Variants in ADGRL3 observed in about 807,000 individuals in gnomAD.
The protein encoded by ADGRL3 is adhesion G protein-coupled receptor L3, also known as calcium-independent alpha-latrotoxin receptor 3.
In ADGRL3, 62 loss-of-function variants were observed where a neutral mutation model predicts 153.5. That is an observed-to-expected ratio of 0.40 (90% confidence interval 0.33 to 0.50). The LOEUF (loss-of-function observed/expected upper bound fraction) is 0.50, where lower values mean the gene tolerates loss of function less well. ADGRL3 is among the 20% of genes least tolerant of loss of function. The pLI is 0.47. For missense variants in ADGRL3, 1,641 were observed against 1,859.4 expected (o/e 0.88, Z 2.16); for synonymous variants, 710 against 672.5 (o/e 1.06, Z -0.86).
intron 8 of ADGRL3, among the ~76,000 whole-genome samples, chr4:61,742,228 C>A (rs1179417164): frequency 2.0e-5 from 3 of 152,102 alleles, no homozygotes; most frequent in Non-Finnish European, 4.4e-5. Context: ...ACATATGCTT[C>A]ACTTCTCTGT....
chr4:62,010,445 C>T (rs1275234684), intron 21 of ADGRL3, among the ~76,000 whole-genome samples: 2 of 152,068 alleles, frequency 1.3e-5, no homozygotes, highest in East Asian at 1.9e-4. Flanking sequence ...CCATTTCACT[C>T]TTGAGTTTTC....
chr4:61,253,795 T>C (rs1027006987), intron 1 of ADGRL3, among the ~76,000 whole-genome samples: 2 of 152,164 alleles, frequency 1.3e-5, no homozygotes, highest in African/African-American at 2.4e-5. Flanking sequence ...ATTTCTAGAA[T>C]TACTTTGTAC....
intron 2 of ADGRL3, among the ~76,000 whole-genome samples, chr4:61,386,774 A>C (rs1219661598): frequency 6.6e-6 from 1 of 152,214 alleles, no homozygotes; most frequent in Non-Finnish European, 1.5e-5. Context: ...AATAAGTATT[A>C]GAATGGATTA....
At chr4:61,641,541 G>T (rs1473666517) in intron 5 of ADGRL3, among the ~76,000 whole-genome samples, 4 of 150,130 alleles carry the variant, frequency 2.7e-5, no homozygotes, top group Non-Finnish European at 5.9e-5. Flanking sequence ...GCAGTGTTTG[G>T]TTTTTTGTTC....
chr4:61,325,381 AT>A (rs1473156142), intron 1 of ADGRL3, among the ~76,000 whole-genome samples: 31 of 152,182 alleles, frequency 2.0e-4, no homozygotes, highest in African/African-American at 7.2e-4. Flanking sequence ...ATTTATTGAT[AT>A]TTTTATTTAT....
At chr4:61,864,070 C>A (rs62304401) in intron 9 of ADGRL3, among the ~76,000 whole-genome samples, 2 of 152,092 alleles carry the variant, frequency 1.3e-5, no homozygotes, top group Non-Finnish European at 2.9e-5. Flanking sequence ...GAAAATAACC[C>A]GGACATATTT....
At chr4:61,998,106 T>TA in intron 20 of ADGRL3, 68 bp from the exon 21 acceptor site, 1 of 703,338 alleles carries the variant, frequency 1.4e-6, no homozygotes, top group Non-Finnish European at 2.4e-6. Flanking sequence ...TCATGTGTTA[T>TA]AGAGAATAAA....
chr4:61,643,243 A>G (rs1427349717), intron 5 of ADGRL3, among the ~76,000 whole-genome samples: 4 of 151,978 alleles, frequency 2.6e-5, no homozygotes, highest in African/African-American at 9.7e-5. Flanking sequence ...AACAGGGACA[A>G]TTTGACTTCC....
At chr4:61,909,855 C>T in intron 12 of ADGRL3, 110 bp downstream of exon 12, 2 of 734,472 alleles carry the variant, frequency 2.7e-6, no homozygotes, top group Non-Finnish European at 4.2e-6. Flanking sequence ...TTTCCTCCTT[C>T]TACAGAATAT....
chr4:61,814,935 T>A (rs746437821), intron 9 of ADGRL3, among the ~76,000 whole-genome samples: 3 of 152,138 alleles, frequency 2.0e-5, no homozygotes, highest in Non-Finnish European at 4.4e-5. Flanking sequence ...TTCCCTTATC[T>A]GTATGCTCTG....
At position 61,936,005 on chromosome 4, in the gene ADGRL3, C is replaced by T. The variant is rs2098836722; in HGVS notation, c.2379C>T (p.Ile793=). The change falls in exon 15 of 27, where the codon ATC becomes ATT. Residue 793 remains isoleucine, a synonymous_variant. Coordinates refer to ENST00000683033, the MANE Select transcript of ADGRL3 (RefSeq NM_001387552.1). ...AAAACATGGGCCATGGAAGCACTAT[C>T]CAGCTGTCTGCAAATACCTTAAAGC... The part of the protein sequence containing the change: ...FPENMGHGST[I]QLSANTLKQN... 1.9e-6 allele frequency: 3 copies of T among 1,610,150 alleles called. 1 individual carries two copies. In the South Asian group the frequency reaches 3.3e-5, roughly 18 times the overall value.
chr4:61,776,062 G>A (rs2097146310), intron 8 of ADGRL3, among the ~76,000 whole-genome samples: 1 of 151,840 alleles, frequency 6.6e-6, no homozygotes, highest in Non-Finnish European at 1.5e-5. Flanking sequence ...CACCACACCC[G>A]GCTAATTTTT....
At chr4:61,579,246 G>A (rs2098912203) in intron 4 of ADGRL3, among the ~76,000 whole-genome samples, 1 of 151,934 alleles carries the variant, frequency 6.6e-6, no homozygotes, top group African/African-American at 2.4e-5. Flanking sequence ...AATTAAATTG[G>A]CATATTTTAA....
chr4:61,631,593 A>C (rs1579965229), intron 5 of ADGRL3, among the ~76,000 whole-genome samples: 1 of 152,062 alleles, frequency 6.6e-6, no homozygotes, highest in South Asian at 2.1e-4. Context: ...TCTCCACCCT[A>C]TACATTACCG....
chr4:61,835,314 T>C (rs1371557506), intron 9 of ADGRL3, among the ~76,000 whole-genome samples: 1 of 131,770 alleles, frequency 7.6e-6, no homozygotes, highest in Non-Finnish European at 1.5e-5. Flanking sequence ...ACCTCTCATG[T>C]GTGCATTAAG....
chr4:61,553,737 A>G (rs1207809807), intron 4 of ADGRL3, among the ~76,000 whole-genome samples: 1 of 151,784 alleles, frequency 6.6e-6, no homozygotes, highest in Non-Finnish European at 1.5e-5. Context: ...GCCCAGTGGG[A>G]GTGTTTGGTT....
intron 1 of ADGRL3, among the ~76,000 whole-genome samples, chr4:61,287,564 A>C (rs2093987481): frequency 1.3e-5 from 2 of 152,002 alleles, no homozygotes; most frequent in Admixed American, 6.6e-5. Flanking sequence ...CAAACTATAA[A>C]TTAATTCTGT....
chr4:61,477,847 A>G (rs1442501215), intron 2 of ADGRL3, among the ~76,000 whole-genome samples: 1 of 152,048 alleles, frequency 6.6e-6, no homozygotes, highest in African/African-American at 2.4e-5. Context: ...TGAAATATGT[A>G]TCTTTTTTAC....
Position 61,202,025 on chromosome 4 carries a change from G to C in ADGRL3, c.-240+260G>C, listed in dbSNP as rs1230971213. The C allele has an allele frequency of 6.5e-6, 1 of 152,758 alleles. No homozygotes were observed. Among genetic ancestry groups the C allele is most frequent in the African/African-American group, 2.4e-5 (1 of 41,472 alleles). The allele number at this position is 152,758 out of a possible 1,614,324, so 9.5% of individuals were successfully genotyped here. On this transcript the variant is annotated intron_variant, in intron 1 of 26. Coordinates refer to ENST00000683033, the MANE Select transcript of ADGRL3 (RefSeq NM_001387552.1). The surrounding 1 kb of genome is among the most constrained non-coding windows in gnomAD (Gnocchi z 5.0). ...TGGGCGATTTGACCGGCCGAGGGGA[G>C]TGAGGGGGATAAGAGACTGGGCGCA... is the stretch of plus-strand genomic sequence containing the variant.
Sources: gnomAD v4.1 joint callset for allele counts (sites outside exome capture counted in the v4.1 genomes callset) on GRCh38, gnomAD v4.1.1 for gene constraint, Gnocchi (gnomAD v3.1) non-coding constraint, MANE v1.5 for transcripts, NCBI Gene and HGNC (gene_info 2026-07-23, HGNC 2026-07-21) for gene names.